The following SNX27 variants were observed in gnomAD, a reference collection of about 807,000 sequenced individuals.
SNX27 encodes sorting nexin 27.
SNX27 carries 22 observed loss-of-function variants against 71.6 expected under a neutral mutation model. That is an observed-to-expected ratio of 0.31 (90% CI 0.22 to 0.44). The LOEUF is 0.44. Among genes scored for constraint, SNX27 ranks in the 20% least tolerant of loss-of-function variants. The probability of loss-of-function intolerance (pLI) is 1.00; values close to 1 mark genes in which losing one functional copy is unlikely to be tolerated. For missense variants in SNX27, 531 were observed against 698.6 expected (o/e 0.76, Z 2.70); for synonymous variants, 269 against 277.2 (o/e 0.97, Z 0.29).
At position 151,638,794 on chromosome 1, in the gene SNX27, C is replaced by T. The variant is rs553166977; in HGVS notation, c.312-94C>T. On this transcript the variant is annotated intron_variant, in intron 1 of 11. Transcript: ENST00000458013. ...AATCTTTTGACTTCATGGTTCATAC[C>T]GTGTGACACTGGAGTTTGGGCAGGA... 69 of 1,092,750 alleles carry T rather than the reference C, an allele frequency of 6.3e-5. No individual in the cohort carries two copies. The African/African-American group carries it at 6.3e-4, about 10-fold the overall frequency. The allele number at this position is 1,092,750 out of a possible 1,614,324, so 67.7% of individuals were successfully genotyped here.
chr1:151,693,200 G>A (rs1487292672), intron 10 of SNX27, 161 bp downstream of exon 10: 2 of 1,145,202 alleles, frequency 1.7e-6, no homozygotes, highest in Admixed American at 5.0e-5. Flanking sequence ...TTTTGCTTTA[G>A]GCCTGACTGG....
intron 2 of SNX27, 79 bp downstream of exon 2, chr1:151,639,198 G>A (rs1668610436): frequency 5.4e-6 from 7 of 1,292,944 alleles, no homozygotes; most frequent in Admixed American, 4.5e-5. Flanking sequence ...TATTATAGTG[G>A]TAGATAAAAG....
At chr1:151,657,976 G>T (rs12732720) in intron 2 of SNX27, among the ~76,000 whole-genome samples, 1 of 152,038 alleles carries the variant, frequency 6.6e-6, no homozygotes, top group African/African-American at 2.4e-5. Flanking sequence ...ACTCCAGCCC[G>T]GGCAACAGAG....
chr1:151,688,852 T>C (rs922282650), intron 8 of SNX27, among the ~76,000 whole-genome samples: 5 of 152,096 alleles, frequency 3.3e-5, no homozygotes, highest in Non-Finnish European at 7.4e-5. Flanking sequence ...TAAATGTTTC[T>C]TCTTTGAGGC....
rs753540643 is a variant in SNX27, at chr1:151,612,440, A to T, written c.239A>T (p.His80Leu). Residue 80 changes from histidine to leucine, a missense_variant, in exon 1 of 12, where the codon CAT becomes CTT. This residue lies in a region of SNX27 where 130 missense variants were observed against 143.5 expected (regional missense o/e 0.91). Transcript: ENST00000458013. The surrounding 1 kb of genome is among the most constrained non-coding windows in gnomAD (Gnocchi z 5.2). ...INGELYAPLQ[H>L]VSAVLPGGAA... ...GGGGAGCTGTACGCGCCGCTGCAGCATGTGAGCGCCGTGCTGCCCGGGGGG... is the reference window on the plus strand; with the variant it reads ...GGGGAGCTGTACGCGCCGCTGCAGCTTGTGAGCGCCGTGCTGCCCGGGGGG... 11 of 1,455,810 alleles carry T rather than the reference A, an allele frequency of 7.6e-6. No homozygotes were observed. Among genetic ancestry groups the T allele is most frequent in the Non-Finnish European group, 1.0e-5 (11 of 1,104,606 alleles). The allele number at this position is 1,455,810 out of a possible 1,614,324, so 90.2% of individuals were successfully genotyped here. A position where few individuals can be genotyped will look rare whatever the true frequency, so the allele number is the denominator to read the frequency against.
intron 5 of SNX27, 125 bp from the exon 6 acceptor site, chr1:151,665,808 A>G: frequency 1.5e-6 from 1 of 648,644 alleles, no homozygotes; most frequent in East Asian, 2.7e-5. Context: ...CATTAATGCA[A>G]TTTTTGTGAG....
intron 6 of SNX27, among the ~76,000 whole-genome samples, chr1:151,667,850 AAG>A (rs1205490070): frequency 6.8e-6 from 1 of 148,144 alleles, no homozygotes; most frequent in African/African-American, 2.5e-5. Context: ...AAAAAAAAAA[AAG>A]ATGTTTAGTG....
chr1:151,634,521 G>A (rs1668385261), intron 1 of SNX27, among the ~76,000 whole-genome samples: 1 of 152,138 alleles, frequency 6.6e-6, no homozygotes, highest in Non-Finnish European at 1.5e-5. Flanking sequence ...GCCAACTTTG[G>A]TTGAATAGAA....
chr1:151,673,781 T>G (rs1332738374), intron 7 of SNX27, among the ~76,000 whole-genome samples: 1 of 152,230 alleles, frequency 6.6e-6, no homozygotes, highest in Non-Finnish European at 1.5e-5. Context: ...CCTTTATCAT[T>G]ATATAGTGAC....
At chr1:151,657,080 T>C (rs1669731583) in intron 2 of SNX27, among the ~76,000 whole-genome samples, 1 of 152,130 alleles carries the variant, frequency 6.6e-6, no homozygotes, top group Admixed American at 6.5e-5. Flanking sequence ...GACTATATGG[T>C]GTAAAGTAAA....
chr1:151,691,699 C>T (rs1441121492), intron 8 of SNX27, among the ~76,000 whole-genome samples: 2 of 151,860 alleles, frequency 1.3e-5, no homozygotes, highest in Non-Finnish European at 2.9e-5. Context: ...TGCACTCCAT[C>T]GAGACGGGGT....
In SNX27 at chr1:151,668,596, A is replaced by T. The variant is rs760132169; in HGVS notation, c.1110A>T (p.Leu370Phe). Residue 370 changes from leucine to phenylalanine, a missense_variant, in exon 7 of 12, where the codon TTA becomes TTT. This residue lies in a region of SNX27 where 184 missense variants were observed against 289.6 expected (regional missense o/e 0.64). Transcript: ENST00000458013. ...WLFTTEEEILLNDNDLAVTYF... is the reference protein window; with the variant it reads ...WLFTTEEEILFNDNDLAVTYF... ...TTACAACAGAAGAAGAAATTCTCTT[A>T]AATGACAATGACCTTGCTGTTACCT... is the stretch of plus-strand genomic sequence containing the variant. The T allele has an allele frequency of 6.2e-7, 1 of 1,614,048 alleles. No homozygotes were observed. The highest frequency in any genetic ancestry group is 8.5e-7 in the Non-Finnish European group (1 of 1,179,986).
chr1:151,612,658 G>A lies in SNX27; in HGVS notation c.311+146G>A. On this transcript the variant is annotated intron_variant, in intron 1 of 11. Transcript: ENST00000458013. The surrounding 1 kb of genome is among the most constrained non-coding windows in gnomAD (Gnocchi z 5.2). ...CCCGCCCCTCAGGCCTCCGCAGCCG[G>A]GCCCCTCCTTGTGGGCTGCCCTCCC... 1 of 619,614 alleles carries A rather than the reference G, an allele frequency of 1.6e-6. No individual in the cohort carries two copies. The highest frequency in any genetic ancestry group is 2.4e-6 in the Non-Finnish European group (1 of 417,936). The allele number at this position is 619,614 out of a possible 1,614,324, so 38.4% of individuals were successfully genotyped here.
At chr1:151,634,600 A>T (rs1307595534) in intron 1 of SNX27, among the ~76,000 whole-genome samples, 1 of 152,212 alleles carries the variant, frequency 6.6e-6, no homozygotes, top group African/African-American at 2.4e-5. Flanking sequence ...TGTTGGTCTT[A>T]TGTAAAAGTA....
At position 151,616,669 on chromosome 1, in the gene SNX27, G is replaced by A. The variant is rs572830636; in HGVS notation, c.311+4157G>A. ...CAGACTAGGTACCGTCTCAAAAGCC[G>A]CTTTCTCAATTGCAACTGAATTCTA... On this transcript the variant is annotated intron_variant, in intron 1 of 11. Transcript: ENST00000458013. Among the ~76,000 whole-genome samples, 72 of 152,258 alleles carry A rather than the reference G, an allele frequency of 4.7e-4. 1 individual carries two copies. The highest frequency in any genetic ancestry group is 1.7e-3 in the African/African-American group (72 of 41,544).
chr1:151,647,586 CTG>C (rs1480539445), intron 2 of SNX27, among the ~76,000 whole-genome samples: 4 of 120,196 alleles, frequency 3.3e-5, no homozygotes, highest in East Asian at 4.4e-4. Context: ...TACTGTATGA[CTG>C]TATTTCGTTT....
chr1:151,694,831 T>C lies in SNX27; in HGVS notation c.*414T>C, dbSNP rs1264756170. ...TATATATACACAAATTAGCTGCACG[T>C]ATATACATATATATATTTCTTTTTA... On this transcript the variant is annotated 3_prime_UTR_variant, in exon 12 of 12. Coordinates refer to ENST00000458013, the MANE Select transcript of SNX27 (RefSeq NM_001330723.2). 2 of 154,406 alleles carry C rather than the reference T, an allele frequency of 1.3e-5. No homozygotes were observed. Among genetic ancestry groups the C allele is most frequent in the African/African-American group, 4.8e-5 (2 of 41,536 alleles). The allele number at this position is 154,406 out of a possible 1,614,324, so 9.6% of individuals were successfully genotyped here. A position where few individuals can be genotyped will look rare whatever the true frequency, so the allele number is the denominator to read the frequency against.
intron 7 of SNX27, chr1:151,679,193 T>G (rs1670831704): frequency 6.6e-6 from 1 of 152,238 alleles, no homozygotes; most frequent in Non-Finnish European, 1.5e-5. Context: ...AATTATAAGA[T>G]GCACCATTAT....
At chr1:151,643,311 T>TA (rs59914669) in intron 2 of SNX27, among the ~76,000 whole-genome samples, 4 of 145,500 alleles carry the variant, frequency 2.7e-5, no homozygotes, top group African/African-American at 7.6e-5. Flanking sequence ...TTTATTTATT[T>TA]TGAGACGGAG....
Sources: gnomAD v4.1 joint callset for allele counts (sites outside exome capture counted in the v4.1 genomes callset) on GRCh38, gnomAD v4.1.1 for gene constraint, gnomAD v4.1.1 regional missense constraint, Gnocchi (gnomAD v3.1) non-coding constraint, MANE v1.5 for transcripts, NCBI Gene and HGNC (gene_info 2026-07-23, HGNC 2026-07-21) for gene names.